Variants in DIP2C observed in about 807,000 individuals in gnomAD.
DIP2C encodes DIP2 acetate--CoA ligase C (putative), also known as disco-interacting protein 2 homolog C.
In DIP2C, 33 loss-of-function variants were observed where a neutral mutation model predicts 192.4. That is an observed-to-expected ratio of 0.17 (90% CI 0.13 to 0.23). The LOEUF is 0.23. DIP2C is among the 10% of genes least tolerant of loss of function. DIP2C has a pLI of 1.00. For missense variants in DIP2C, 1,537 were observed against 2,110.1 expected (o/e 0.73, Z 5.32); for synonymous variants, 979 against 864.1 (o/e 1.13, Z -2.33).
At chr10:572,504 AAG>A (rs1310098902) in intron 1 of DIP2C, among the ~76,000 whole-genome samples, 5 of 152,180 alleles carry the variant, frequency 3.3e-5, no homozygotes, top group African/African-American at 1.2e-4. Context: ...CCAAAAACAA[AAG>A]AGTACTGCCA....
intron 1 of DIP2C, among the ~76,000 whole-genome samples, chr10:520,364 A>T (rs1019030482): frequency 6.6e-6 from 1 of 152,264 alleles, no homozygotes; most frequent in African/African-American, 2.4e-5. Context: ...ACCTGCAGAA[A>T]GTTACTAGAC....
At chr10:365,084 T>A in intron 19 of DIP2C, 1 of 494,936 alleles carries the variant, frequency 2.0e-6, no homozygotes, top group Non-Finnish European at 4.2e-6. Flanking sequence ...TCTTTTTTCC[T>A]CCACCCTTGC....
At chr10:641,930 G>A (rs923116817) in intron 1 of DIP2C, among the ~76,000 whole-genome samples, 1 of 152,086 alleles carries the variant, frequency 6.6e-6, no homozygotes, top group African/African-American at 2.4e-5. Context: ...GGCTGAGGTG[G>A]GAGGATCACC....
chr10:639,996 T>C (rs913738740), intron 1 of DIP2C, among the ~76,000 whole-genome samples: 3 of 151,546 alleles, frequency 2.0e-5, no homozygotes, highest in African/African-American at 7.3e-5. Context: ...CCTGTGGGCC[T>C]GTGCATGTCC....
intron 1 of DIP2C, among the ~76,000 whole-genome samples, chr10:599,556 C>G (rs1378433816): frequency 6.6e-6 from 1 of 152,118 alleles, no homozygotes; most frequent in Non-Finnish European, 1.5e-5. Context: ...GGTCAGTGAA[C>G]GAAAGGCAGT....
At chr10:512,124 C>T (rs1446277340) in intron 1 of DIP2C, among the ~76,000 whole-genome samples, 5 of 152,222 alleles carry the variant, frequency 3.3e-5, no homozygotes, top group African/African-American at 4.8e-5. Flanking sequence ...CCTTCCTAAG[C>T]AATGTCGTGT....
chr10:300,889 G>A (rs953554825), intron 32 of DIP2C, among the ~76,000 whole-genome samples: 4 of 152,194 alleles, frequency 2.6e-5, no homozygotes, highest in African/African-American at 9.7e-5. Flanking sequence ...TAAGCAGCCG[G>A]GCAACTCCTT....
At chr10:334,464 A>G (rs1345749071) in intron 29 of DIP2C, among the ~76,000 whole-genome samples, 3 of 152,034 alleles carry the variant, frequency 2.0e-5, no homozygotes, top group African/African-American at 7.2e-5. Context: ...GTTCCAGTCC[A>G]GTTTATCAGT....
intron 2 of DIP2C, among the ~76,000 whole-genome samples, chr10:474,706 TTC>T (rs1282750243): frequency 8.5e-5 from 13 of 152,240 alleles, no homozygotes; most frequent in Non-Finnish European, 1.5e-4. Flanking sequence ...CCGAAAGTGC[TTC>T]TCTTTCTACC....
At chr10:502,857 A>G (rs1360969598) in intron 1 of DIP2C, among the ~76,000 whole-genome samples, 1 of 152,192 alleles carries the variant, frequency 6.6e-6, no homozygotes, top group Non-Finnish European at 1.5e-5. Flanking sequence ...TCCAAGGAGA[A>G]GCGGCAACAC....
chr10:489,602 G>A (rs895336298), intron 1 of DIP2C, among the ~76,000 whole-genome samples: 1 of 152,144 alleles, frequency 6.6e-6, no homozygotes, highest in African/African-American at 2.4e-5. Context: ...TAGGGACACA[G>A]TGGCTCTGAC....
At chr10:642,964 G>T (rs1272147821) in intron 1 of DIP2C, among the ~76,000 whole-genome samples, 1 of 152,144 alleles carries the variant, frequency 6.6e-6, no homozygotes, top group East Asian at 1.9e-4. Context: ...AGCACTTTGG[G>T]AGGCCAAGGT....
intron 1 of DIP2C, among the ~76,000 whole-genome samples, chr10:501,975 T>A (rs1432698969): frequency 1.3e-5 from 2 of 151,982 alleles, no homozygotes; most frequent in Non-Finnish European, 2.9e-5. Context: ...TGAAACTCCA[T>A]TTCTACAAAA....
chr10:515,394 G>T (rs1342776836), intron 1 of DIP2C, among the ~76,000 whole-genome samples: 2 of 152,122 alleles, frequency 1.3e-5, no homozygotes, highest in Non-Finnish European at 2.9e-5. Context: ...TTCAAACATA[G>T]ACTGGCTTTT....
chr10:439,055 G>A (rs1011450028), intron 4 of DIP2C, among the ~76,000 whole-genome samples: 2 of 152,048 alleles, frequency 1.3e-5, no homozygotes, highest in East Asian at 1.9e-4. Context: ...CATGTTTTCC[G>A]GGCTGGTCTT....
chr10:602,232 T>G (rs1852133528), intron 1 of DIP2C, among the ~76,000 whole-genome samples: 1 of 152,206 alleles, frequency 6.6e-6, no homozygotes. Flanking sequence ...AAGTTCCTCC[T>G]GCTGATTCTG....
intron 17 of DIP2C, among the ~76,000 whole-genome samples, chr10:377,764 C>A (rs993177229): frequency 8.5e-5 from 13 of 152,252 alleles, no homozygotes; most frequent in African/African-American, 2.6e-4. Context: ...GATTTTTCTC[C>A]CAGCTAACTT....
At chr10:491,628 G>T (rs1844454080) in intron 1 of DIP2C, among the ~76,000 whole-genome samples, 1 of 152,188 alleles carries the variant, frequency 6.6e-6, no homozygotes, top group Non-Finnish European at 1.5e-5. Context: ...ACTAGTGTGG[G>T]TCGCATTTTT....
intron 3 of DIP2C, among the ~76,000 whole-genome samples, chr10:452,926 C>T (rs758551240): frequency 6.6e-6 from 1 of 152,206 alleles, no homozygotes; most frequent in Non-Finnish European, 1.5e-5. Flanking sequence ...GAGGCCTGGC[C>T]AGTCTGAGGC....
Sources: allele counts gnomAD v4.1 joint callset (sites outside exome capture counted in the v4.1 genomes callset), GRCh38; gene constraint gnomAD v4.1.1; transcripts MANE v1.5; gene names NCBI Gene and HGNC (gene_info 2026-07-23, HGNC 2026-07-21).